Variants in SESTD1 observed in about 807,000 individuals in gnomAD.
SESTD1 encodes the protein SEC14 and spectrin domain containing 1, also known as SEC14 domain and spectrin repeat-containing protein 1.
SESTD1 carries 43 observed loss-of-function variants against 101.7 expected under a neutral mutation model. The ratio of observed to expected loss-of-function variants is 0.42; its 90% CI spans 0.33 to 0.55. SESTD1 has a LOEUF of 0.55. Among genes scored for constraint, SESTD1 ranks in the 20% least tolerant of loss-of-function variants. The pLI is 0.07. For missense variants in SESTD1, 647 were observed against 815.1 expected, an observed-to-expected ratio of 0.79 and a Z score of 2.51; for synonymous variants, 283 against 286.8, an observed-to-expected ratio of 0.99 and a Z score of 0.13.
intron 16 of SESTD1, 61 bp downstream of exon 16, chr2:179,115,004 C>T (rs1246672822): frequency 5.1e-6 from 7 of 1,376,842 alleles, no homozygotes; most frequent in Non-Finnish European, 7.0e-6. Flanking sequence ...CTAAAATTAA[C>T]ATATTTTAAA....
At chr2:179,256,811 C>CAAAAAAA (rs368195849) in intron 1 of SESTD1, among the ~76,000 whole-genome samples, 1 of 76,518 alleles carries the variant, frequency 1.3e-5, no homozygotes, top group African/African-American at 4.6e-5. Context: ...GACTCCACCT[C>CAAAAAAA]AAAAAAAAAA....
intron 5 of SESTD1, among the ~76,000 whole-genome samples, chr2:179,169,380 T>A (rs1406891828): frequency 6.6e-6 from 1 of 152,050 alleles, no homozygotes; most frequent in Non-Finnish European, 1.5e-5. Flanking sequence ...TGGGCCCTAC[T>A]CACCAAGAAG....
rs2046573496 is a variant in SESTD1 at position 179,205,175 on chromosome 2, C to T, written c.-25-13309G>A. On this transcript the variant is annotated intron_variant, in intron 1 of 17. Transcript: ENST00000428443. ...AAACTAAAATTGAGAGTTTAGTAGA[C>T]AGTCTCCAACCACACTTAAGGCTTT... Among the ~76,000 whole-genome samples the T allele has an allele frequency of 1.6e-5, 2 of 128,674 alleles. 1 individual carries two copies. The highest frequency in any genetic ancestry group is 6.5e-5 in the African/African-American group (2 of 30,550). 84.4% of individuals were successfully genotyped at this position (128,674 alleles called of 152,430 possible). A position where few individuals can be genotyped will look rare whatever the true frequency, so the allele number is the denominator to read the frequency against.
At chr2:179,247,052 C>A (rs1326095781) in intron 1 of SESTD1, among the ~76,000 whole-genome samples, 1 of 152,064 alleles carries the variant, frequency 6.6e-6, no homozygotes, top group East Asian at 1.9e-4. Flanking sequence ...GGCACATATT[C>A]TTTTATTACC....
chr2:179,132,346 C>T lies in SESTD1; in HGVS notation c.930G>A (p.Gln310=), dbSNP rs962342445. Residue 310 remains glutamine (Q), a synonymous_variant, in exon 10 of 18, where the codon CAG becomes CAA. Transcript: ENST00000428443. ...WGIGDSIRAS[Q]ALQQKHEEIE... ...TCTCTTCGTGTTTCTGCTGTAGGGCCTGGGAGGCCCTAATGGAGTCTCCAA... is the reference window on the plus strand; with the variant it reads ...TCTCTTCGTGTTTCTGCTGTAGGGCTTGGGAGGCCCTAATGGAGTCTCCAA... 6.4e-7 allele frequency: 1 copy of T among 1,564,380 alleles called. No homozygotes were observed. The highest frequency in any genetic ancestry group is 8.6e-7 in the Non-Finnish European group (1 of 1,165,184).
intron 5 of SESTD1, among the ~76,000 whole-genome samples, chr2:179,152,345 C>A (rs1460197659): frequency 6.6e-6 from 1 of 152,118 alleles, no homozygotes; most frequent in East Asian, 1.9e-4. Flanking sequence ...AAAGGGGCTA[C>A]CACAGAGCGC....
chr2:179,165,017 T>C (rs1047403850), intron 5 of SESTD1, among the ~76,000 whole-genome samples: 1 of 152,158 alleles, frequency 6.6e-6, no homozygotes, highest in African/African-American at 2.4e-5. Flanking sequence ...AAAAATAATT[T>C]GCAATTAAAC....
chr2:179,110,034 A>C lies in SESTD1; in HGVS notation c.1962-6T>G, dbSNP rs2305170. The C allele has an allele frequency of 0.073, 117,515 of 1,612,794 alleles. 4,707 individuals carry two copies. The highest frequency in any genetic ancestry group is 0.092 in the South Asian group (8,400 of 90,982). On this transcript the variant is annotated splice_region_variant and splice_polypyrimidine_tract_variant and intron_variant, in intron 17 of 17. Transcript: ENST00000428443. ...TCCCAAAATATTGTTCGGTTCTAAA[A>C]ATCAAAACACACAGAAAAACCTCAG...
intron 1 of SESTD1, among the ~76,000 whole-genome samples, chr2:179,195,061 C>T (rs1421208075): frequency 6.6e-6 from 1 of 152,204 alleles, no homozygotes; most frequent in Non-Finnish European, 1.5e-5. Context: ...CTGCTGGCTG[C>T]TTTAGAAGCC....
chr2:179,180,535 A>G (rs942923727), intron 3 of SESTD1, among the ~76,000 whole-genome samples: 1 of 152,186 alleles, frequency 6.6e-6, no homozygotes. Context: ...CTGATCTGCT[A>G]GGGTAAACTT....
intron 1 of SESTD1, among the ~76,000 whole-genome samples, chr2:179,198,983 C>T (rs576673055): frequency 2.0e-5 from 3 of 152,118 alleles, no homozygotes; most frequent in South Asian, 4.1e-4. Flanking sequence ...AATAGAGACA[C>T]AAAAAATCCT....
At chr2:179,195,692 G>A (rs547433143) in intron 1 of SESTD1, among the ~76,000 whole-genome samples, 1 of 152,096 alleles carries the variant, frequency 6.6e-6, no homozygotes, top group Non-Finnish European at 1.5e-5. Context: ...CAAATGAAAC[G>A]GAAACCTTAA....
chr2:179,138,279 C>T (rs1192727059), intron 9 of SESTD1, among the ~76,000 whole-genome samples: 1 of 152,144 alleles, frequency 6.6e-6, no homozygotes, highest in Non-Finnish European at 1.5e-5. Context: ...CTTTGCCCCT[C>T]TGTCTTTCTG....
chr2:179,110,141 T>G (rs886690435), intron 17 of SESTD1, 113 bp from the exon 18 acceptor site: 3 of 1,015,294 alleles, frequency 3.0e-6, no homozygotes, highest in Non-Finnish European at 4.3e-6. Context: ...ATAGCCTATG[T>G]GTAAATATCA....
chr2:179,192,056 C>G (rs886833192), intron 1 of SESTD1, among the ~76,000 whole-genome samples, 190 bp from the exon 2 acceptor site: 7 of 152,132 alleles, frequency 4.6e-5, no homozygotes, highest in African/African-American at 1.7e-4. Flanking sequence ...TCTCTCTCTA[C>G]TCACTAAAAA....
intron 4 of SESTD1, among the ~76,000 whole-genome samples, chr2:179,174,985 G>A (rs1339042017): frequency 1.3e-5 from 2 of 149,396 alleles, no homozygotes; most frequent in Non-Finnish European, 3.0e-5. Flanking sequence ...TTCTCATGAT[G>A]AAAAGTTTAA....
chr2:179,159,949 G>A (rs772722610), intron 5 of SESTD1, among the ~76,000 whole-genome samples: 1 of 152,198 alleles, frequency 6.6e-6, no homozygotes, highest in Non-Finnish European at 1.5e-5. Context: ...CCAACTCCCA[G>A]GTTCAAGCAA....
rs770858481 is a variant in SESTD1, at chr2:179,176,511, G to T, written c.192C>A (p.Thr64=). The T allele has an allele frequency of 6.2e-7, 1 of 1,612,972 alleles. No homozygotes were observed. ...PSEKCKARGF[T]VIVDGRKSQW... ...GTGATTTTCTGCCATCCACAATCAC[G>T]GTAAATCCTCTAGCCTTACACTTCT... is the stretch of plus-strand genomic sequence containing the variant. Residue 64 remains threonine, a synonymous_variant, in exon 4 of 18, where the codon ACC becomes ACA. Transcript: ENST00000428443.
intron 1 of SESTD1, among the ~76,000 whole-genome samples, chr2:179,215,898 T>G (rs1422439631): frequency 2.2e-5 from 3 of 135,038 alleles, no homozygotes; most frequent in Admixed American, 7.2e-5. Flanking sequence ...ACCACATGAT[T>G]ATATCAACAG....
Sources: gnomAD v4.1 joint callset for allele counts (sites outside exome capture counted in the v4.1 genomes callset) on GRCh38, gnomAD v4.1.1 for gene constraint, MANE v1.5 for transcripts, NCBI Gene and HGNC (gene_info 2026-07-23, HGNC 2026-07-21) for gene names.